Variants in MYO1E observed in about 807,000 individuals in gnomAD.
The protein encoded by MYO1E is myosin IE, also known as unconventional myosin-Ie.
MYO1E carries 68 observed loss-of-function variants against 151.1 expected under a neutral mutation model. The observed-to-expected ratio is 0.45, with a 90% confidence interval of 0.37 to 0.55. The LOEUF (loss-of-function observed/expected upper bound fraction) is 0.55, where lower values mean the gene tolerates loss of function less well. Ranked by LOEUF, MYO1E falls within the 20% of genes least tolerant of loss-of-function variation. MYO1E has a pLI of 0.00. For missense variants in MYO1E, 1,363 were observed against 1,389.3 expected (o/e 0.98, Z 0.30); for synonymous variants, 601 against 501.7 (o/e 1.20, Z -2.64).
chr15:59,309,822 A>T (rs1017884), intron 1 of MYO1E, among the ~76,000 whole-genome samples: 100,046 of 152,124 alleles, frequency 0.66, 33,829 homozygotes, highest in East Asian at 0.88. Flanking sequence ...GTGGGTAGAG[A>T]CAAAGAGAAG....
chr15:59,174,854 T>C (rs11854052), intron 19 of MYO1E, among the ~76,000 whole-genome samples: 18,094 of 152,090 alleles, frequency 0.12, 1,105 homozygotes, highest in Middle Eastern at 0.17. Context: ...TAATGAGGAC[T>C]TGCATTTGCC....
intron 9 of MYO1E, among the ~76,000 whole-genome samples, chr15:59,222,677 A>G (rs1436616925): frequency 6.6e-6 from 1 of 152,198 alleles, no homozygotes; most frequent in African/African-American, 2.4e-5. Flanking sequence ...TAGATCCTAA[A>G]GACCAGTTAC....
chr15:59,354,645 G>A (rs1361402254), intron 1 of MYO1E, among the ~76,000 whole-genome samples: 1 of 152,114 alleles, frequency 6.6e-6, no homozygotes, highest in Non-Finnish European at 1.5e-5. Context: ...CATTGCAATG[G>A]CTCTTTGTTC....
chr15:59,197,390 G>C (rs1428634614), intron 16 of MYO1E, among the ~76,000 whole-genome samples: 3 of 152,172 alleles, frequency 2.0e-5, no homozygotes, highest in African/African-American at 7.2e-5. Context: ...AAAACATAGA[G>C]AGGCAAGTGT....
chr15:59,159,333 A>G lies in MYO1E; in HGVS notation c.2786-954T>C, dbSNP rs2079525494. ...CAATTTCCCCTCGGGGGCCCGCCGCACAAACATAGCCTGCTGGTTATTTGC... is the reference window on the plus strand; with the variant it reads ...CAATTTCCCCTCGGGGGCCCGCCGCGCAAACATAGCCTGCTGGTTATTTGC... On this transcript the variant is annotated intron_variant, in intron 24 of 27. Coordinates refer to ENST00000288235, the MANE Select transcript of MYO1E (RefSeq NM_004998.4). This position sits in a 1 kb window ranked among gnomAD's most constrained non-coding sequence, Gnocchi z 4.4. Among the ~76,000 whole-genome samples the G allele has an allele frequency of 1.3e-5, 2 of 152,218 alleles. No individual in the cohort carries two copies. Among genetic ancestry groups the G allele is most frequent in the Admixed American group, 6.5e-5 (1 of 15,292 alleles).
At chr15:59,166,232 C>G (rs2140313031) in intron 22 of MYO1E, among the ~76,000 whole-genome samples, 1 of 152,346 alleles carries the variant, frequency 6.6e-6, no homozygotes, top group East Asian at 1.9e-4. Flanking sequence ...TCATTCTGCT[C>G]TCCTTAGCCC....
At chr15:59,246,223 T>C (rs1314719438) in intron 4 of MYO1E, among the ~76,000 whole-genome samples, 1 of 152,150 alleles carries the variant, frequency 6.6e-6, no homozygotes, top group Non-Finnish European at 1.5e-5. Context: ...GTTCAAGTGA[T>C]TCTCCTGCCT....
intron 15 of MYO1E, among the ~76,000 whole-genome samples, chr15:59,204,934 T>A (rs2079823385): frequency 6.6e-6 from 1 of 152,224 alleles, no homozygotes; most frequent in African/African-American, 2.4e-5. Context: ...TTCTCCCTGA[T>A]AATAGTATTG....
At chr15:59,175,162 T>C (rs2079617319) in intron 19 of MYO1E, among the ~76,000 whole-genome samples, 1 of 152,170 alleles carries the variant, frequency 6.6e-6, no homozygotes, top group Non-Finnish European at 1.5e-5. Flanking sequence ...TGAACCTAGG[T>C]CTTTCAGGCT....
chr15:59,210,449 G>C (rs2079872027), intron 13 of MYO1E, 65 bp downstream of exon 13: 5 of 1,147,516 alleles, frequency 4.4e-6, no homozygotes. Flanking sequence ...CAATGACACA[G>C]AGAATAAAAA....
At chr15:59,201,606 G>A (rs1315486867) in intron 16 of MYO1E, among the ~76,000 whole-genome samples, 1 of 152,032 alleles carries the variant, frequency 6.6e-6, no homozygotes, top group Non-Finnish European at 1.5e-5. Context: ...GTTTCTCCAT[G>A]TTGGTCAGGC....
intron 1 of MYO1E, among the ~76,000 whole-genome samples, chr15:59,299,969 T>C (rs2080472315): frequency 6.6e-6 from 1 of 152,222 alleles, no homozygotes; most frequent in Non-Finnish European, 1.5e-5. Flanking sequence ...TACCATCTCC[T>C]ATCTGGCAAA....
chr15:59,356,041 C>T (rs2080850786), intron 1 of MYO1E, among the ~76,000 whole-genome samples: 1 of 152,168 alleles, frequency 6.6e-6, no homozygotes. Context: ...TCTTAGGCAT[C>T]TACACTTGTG....
At chr15:59,270,972 T>C (rs1721878051) in intron 2 of MYO1E, 1 of 152,174 alleles carries the variant, frequency 6.6e-6, no homozygotes, top group African/African-American at 2.4e-5. Flanking sequence ...ATGTAGCCAA[T>C]AAATCCAACT....
At chr15:59,300,081 C>A (rs2080472918) in intron 1 of MYO1E, among the ~76,000 whole-genome samples, 1 of 152,092 alleles carries the variant, frequency 6.6e-6, no homozygotes, top group African/African-American at 2.4e-5. Context: ...GGCATTTGAG[C>A]AACTGTTCAC....
intron 4 of MYO1E, among the ~76,000 whole-genome samples, chr15:59,254,677 T>G (rs775259270): frequency 2.3e-5 from 1 of 43,054 alleles, no homozygotes; most frequent in Non-Finnish European, 1.0e-4. Flanking sequence ...CAATAAAAGG[T>G]TTTTTTTTTC....
chr15:59,236,377 C>A (rs527918511), intron 5 of MYO1E, among the ~76,000 whole-genome samples: 31 of 53,750 alleles, frequency 5.8e-4, no homozygotes, highest in Non-Finnish European at 1.2e-3. Flanking sequence ...TATACACACA[C>A]ACACACACAC....
chr15:59,259,623 A>G (rs2080214006), intron 3 of MYO1E, among the ~76,000 whole-genome samples: 1 of 152,238 alleles, frequency 6.6e-6, no homozygotes, highest in South Asian at 2.1e-4. Flanking sequence ...CGAAGATGGA[A>G]AATGGAAGGA....
chr15:59,328,765 T>G (rs1400374810), intron 1 of MYO1E, among the ~76,000 whole-genome samples: 1 of 152,096 alleles, frequency 6.6e-6, no homozygotes, highest in South Asian at 2.1e-4. Flanking sequence ...CCTATAGAGT[T>G]AAGCATTTAG....
Sources: gnomAD v4.1 joint callset for allele counts (sites outside exome capture counted in the v4.1 genomes callset) on GRCh38, gnomAD v4.1.1 for gene constraint, Gnocchi (gnomAD v3.1) non-coding constraint, MANE v1.5 for transcripts, NCBI Gene and HGNC (gene_info 2026-07-23, HGNC 2026-07-21) for gene names.